Variants in DTWD2 observed in about 807,000 individuals in gnomAD.
DTWD2 encodes the protein DTW motif tRNA-uridine aminocarboxypropyltransferase 2.
DTWD2 carries 39 observed loss-of-function variants against 31.8 expected under a neutral mutation model. The ratio of observed to expected loss-of-function variants is 1.22; its 90% CI spans 0.95 to 1.60. DTWD2 has a LOEUF of 1.60. DTWD2 is among the 40% of genes most tolerant of loss of function. The pLI is 0.00. For missense variants in DTWD2, 515 were observed against 381.5 expected (o/e 1.35, Z -2.92); for synonymous variants, 180 against 142.8 (o/e 1.26, Z -1.86).
chr5:118,964,491 C>G (rs1754782606), intron 1 of DTWD2, among the ~76,000 whole-genome samples: 1 of 152,200 alleles, frequency 6.6e-6, no homozygotes, highest in Non-Finnish European at 1.5e-5. Context: ...TGATGCCGAG[C>G]CGAAGCTGGA....
At position 118,932,279 on chromosome 5, in the gene DTWD2, C is replaced by G. The variant is rs113045429; in HGVS notation, c.405-3550G>C. Among the ~76,000 whole-genome samples the G allele has an allele frequency of 2.0e-5, 3 of 149,158 alleles. No individual in the cohort carries two copies. In the South Asian group the frequency reaches 6.3e-4, roughly 32 times the overall value. ...GTCACTTGAGGCCAGGAGCTCAAGA[C>G]CAGCCTGAGCAATGTAGCAAGACTC... On this transcript the variant is annotated intron_variant, in intron 3 of 5. Transcript: ENST00000510708.
intron 1 of DTWD2, among the ~76,000 whole-genome samples, chr5:118,957,805 C>T (rs1021097166): frequency 1.8e-4 from 27 of 152,164 alleles, no homozygotes; most frequent in African/African-American, 6.0e-4. Context: ...GAATCTCACC[C>T]GAAATATATA....
intron 1 of DTWD2, among the ~76,000 whole-genome samples, chr5:118,977,997 A>T (rs928261546): frequency 6.6e-6 from 1 of 152,244 alleles, no homozygotes; most frequent in Non-Finnish European, 1.5e-5. Context: ...ACTGGTACAA[A>T]ACCAGACACA....
chr5:118,929,806 G>C (rs1753883659), intron 3 of DTWD2, among the ~76,000 whole-genome samples: 1 of 152,162 alleles, frequency 6.6e-6, no homozygotes, highest in Admixed American at 6.5e-5. Flanking sequence ...TTTCTCTGAG[G>C]ACCTTCCCTT....
chr5:118,931,532 G>C (rs1440722068), intron 3 of DTWD2, among the ~76,000 whole-genome samples: 1 of 151,400 alleles, frequency 6.6e-6, no homozygotes, highest in Non-Finnish European at 1.5e-5. Context: ...TCTCCAAAAA[G>C]ACATAACAAT....
chr5:118,914,348 A>C (rs1753527060), intron 4 of DTWD2, among the ~76,000 whole-genome samples: 1 of 152,154 alleles, frequency 6.6e-6, no homozygotes, highest in South Asian at 2.1e-4. Context: ...ACCATCTTGG[A>C]ATCAGAATCA....
chr5:118,963,368 CAA>C (rs1310923826), intron 1 of DTWD2, among the ~76,000 whole-genome samples: 2 of 152,082 alleles, frequency 1.3e-5, no homozygotes, highest in Non-Finnish European at 2.9e-5. Flanking sequence ...AATAACAGAA[CAA>C]AGGCATGGAG....
At chr5:118,870,418 T>C (rs1316466403) in intron 4 of DTWD2, among the ~76,000 whole-genome samples, 2 of 152,174 alleles carry the variant, frequency 1.3e-5, no homozygotes, top group African/African-American at 4.8e-5. Flanking sequence ...GTACCAGCAT[T>C]CCTCAGAGAT....
intron 4 of DTWD2, among the ~76,000 whole-genome samples, chr5:118,864,559 T>A (rs547117004): frequency 2.6e-5 from 4 of 151,188 alleles, no homozygotes; most frequent in African/African-American, 7.3e-5. Flanking sequence ...GAAGGCAGTT[T>A]TAAGCCCAGA....
At chr5:118,850,848 G>A (rs991895239) in intron 4 of DTWD2, among the ~76,000 whole-genome samples, 7 of 152,084 alleles carry the variant, frequency 4.6e-5, no homozygotes, top group African/African-American at 9.7e-5. Flanking sequence ...ATTAAAATGT[G>A]GGCAAAGGAT....
At chr5:118,922,512 C>T (rs1341259460) in intron 4 of DTWD2, among the ~76,000 whole-genome samples, 1 of 152,092 alleles carries the variant, frequency 6.6e-6, no homozygotes, top group Non-Finnish European at 1.5e-5. Context: ...AATAACACTA[C>T]ATTTAGAAAT....
At chr5:118,984,741 C>G (rs1205854262) in intron 1 of DTWD2, among the ~76,000 whole-genome samples, 1 of 152,132 alleles carries the variant, frequency 6.6e-6, no homozygotes, top group Non-Finnish European at 1.5e-5. Context: ...TTAAAACATG[C>G]TGTTTTTAGA....
rs184651044 is a variant in DTWD2 at position 118,841,073 on chromosome 5, A to T, written c.741T>A (p.Pro247=). The T allele has an allele frequency of 6.2e-5, 100 of 1,611,706 alleles. No individual in the cohort carries two copies. The East Asian group carries it at 2.1e-3, about 35-fold the overall frequency. The change falls in exon 6 of 6, where the codon CCT becomes CCA. Residue 247 remains proline, a synonymous_variant. Coordinates refer to ENST00000510708, the MANE Select transcript of DTWD2 (RefSeq NM_173666.4). ...GTTGAAAGGAGCATAAAGCTTGAAG[A>T]GGGCGAAGCAAAGTCTGTCAAGAGA... ...NNYIQETLLR[P]LQALCSFQLQ...
intron 1 of DTWD2, among the ~76,000 whole-genome samples, chr5:118,964,415 A>ATGGT: frequency 1.3e-5 from 2 of 150,566 alleles, no homozygotes; most frequent in East Asian, 2.0e-4. Context: ...CCTTCTCCCC[A>ATGGT]CGGTCTCCCT....
intron 4 of DTWD2, among the ~76,000 whole-genome samples, chr5:118,855,028 G>A (rs572781191): frequency 4.3e-4 from 65 of 151,646 alleles, no homozygotes; most frequent in South Asian, 1.0e-3. Context: ...TTAGCCAAGC[G>A]TGGTGGCATG....
chr5:118,955,402 T>C (rs1754563045), intron 1 of DTWD2, among the ~76,000 whole-genome samples: 2 of 152,222 alleles, frequency 1.3e-5, no homozygotes, highest in Non-Finnish European at 1.5e-5. Context: ...TGTTAAACCA[T>C]CTCTTCCTAA....
In DTWD2 at chr5:118,959,580, C is replaced by T. The variant is rs559854516; in HGVS notation, c.219-14931G>A. Among the ~76,000 whole-genome samples the T allele has an allele frequency of 3.3e-5, 5 of 152,258 alleles. No individual in the cohort carries two copies. The South Asian group carries it at 8.3e-4, about 25-fold the overall frequency. Reference sequence around the variant, plus strand: ...CTATCAAACTACCAATGACATTCTTCACAGAATTAGAAAAATAAAACTATT... The same window carrying T: ...CTATCAAACTACCAATGACATTCTTTACAGAATTAGAAAAATAAAACTATT... On this transcript the variant is annotated intron_variant, in intron 1 of 5. Transcript: ENST00000510708.
At chr5:118,937,495 TC>T (rs1374129962) in intron 3 of DTWD2, among the ~76,000 whole-genome samples, 1 of 152,128 alleles carries the variant, frequency 6.6e-6, no homozygotes, top group Non-Finnish European at 1.5e-5. Context: ...GCCAACCCTA[TC>T]ACCTTTGGCC....
At chr5:118,932,447 G>GA (rs761715340) in intron 3 of DTWD2, among the ~76,000 whole-genome samples, 15 of 151,880 alleles carry the variant, frequency 9.9e-5, no homozygotes, top group Non-Finnish European at 1.5e-4. Flanking sequence ...GAAGACAACA[G>GA]AAAAAATCAA....
Sources: allele counts gnomAD v4.1 joint callset (sites outside exome capture counted in the v4.1 genomes callset), GRCh38; gene constraint gnomAD v4.1.1; transcripts MANE v1.5; gene names NCBI Gene and HGNC (gene_info 2026-07-23, HGNC 2026-07-21).